ABCA13: variants seen among roughly 807,000 people sequenced by gnomAD.
ABCA13 encodes the protein ATP binding cassette subfamily A member 13, also known as ATP-binding cassette sub-family A member 13.
Under a neutral mutation model 478.7 loss-of-function variants are expected in ABCA13, and 476 were observed. The observed-to-expected ratio is 0.99, with a 90% CI of 0.92 to 1.07. The LOEUF (loss-of-function observed/expected upper bound fraction) is 1.07, where lower values mean the gene tolerates loss of function less well. Among genes scored for constraint, ABCA13 ranks in the 50% least tolerant of loss-of-function variants. ABCA13 has a pLI of 0.00. For synonymous variants in ABCA13, 2,252 were observed against 2,158.9 expected (o/e 1.04, Z -1.20); for missense variants, 6,060 against 5,910.6 (o/e 1.03, Z -0.83).
At chr7:48,488,236 GT>G (rs60590500) in intron 47 of ABCA13, among the ~76,000 whole-genome samples, 5,522 of 142,068 alleles carry the variant, frequency 0.039, 106 homozygotes, top group East Asian at 0.1. Context: ...GTAGGGTTTT[GT>G]TTTTTTTTTT....
chr7:48,499,125 A>G (rs972105324), intron 48 of ABCA13, among the ~76,000 whole-genome samples: 2 of 152,174 alleles, frequency 1.3e-5, no homozygotes, highest in African/African-American at 4.8e-5. Flanking sequence ...ATTGGCATCT[A>G]TTACTCATAG....
intron 43 of ABCA13, among the ~76,000 whole-genome samples, chr7:48,465,627 T>C (rs1182415670): frequency 6.6e-6 from 1 of 151,924 alleles, no homozygotes; most frequent in Non-Finnish European, 1.5e-5. Flanking sequence ...ATGCGTACGA[T>C]GTATAATAAC....
intron 59 of ABCA13, among the ~76,000 whole-genome samples, chr7:48,642,098 G>A (rs1046961298): frequency 2.0e-5 from 3 of 152,158 alleles, no homozygotes; most frequent in African/African-American, 7.2e-5. Context: ...CCATTAACTC[G>A]AATGATGGGA....
At chr7:48,454,811 G>A (rs58400216) in intron 42 of ABCA13, among the ~76,000 whole-genome samples, 88 of 152,332 alleles carry the variant, frequency 5.8e-4, no homozygotes, top group African/African-American at 2.1e-3. Context: ...CTCCTGCCAC[G>A]CGTTGCCACG....
intron 55 of ABCA13, among the ~76,000 whole-genome samples, chr7:48,538,099 C>CTTTTTTTTTTT (rs1563409461): frequency 1.7e-5 from 2 of 120,010 alleles, no homozygotes; most frequent in Non-Finnish European, 1.7e-5. Flanking sequence ...TTCTTTCTTT[C>CTTTTTTTTTTT]CTTTTTTTTT....
intron 31 of ABCA13, among the ~76,000 whole-genome samples, chr7:48,359,577 C>T (rs1810492795): frequency 6.6e-6 from 1 of 151,858 alleles, no homozygotes; most frequent in South Asian, 2.1e-4. Context: ...GTCCTGTCTC[C>T]CCATGGTTGA....
At chr7:48,559,423 G>T (rs1041657504) in intron 55 of ABCA13, among the ~76,000 whole-genome samples, 35 of 152,012 alleles carry the variant, frequency 2.3e-4, no homozygotes, top group African/African-American at 4.8e-5. Context: ...CAAGGCAGTG[G>T]GCTCCCTTCT....
chr7:48,543,817 G>T (rs928060073), intron 55 of ABCA13, among the ~76,000 whole-genome samples: 13 of 151,338 alleles, frequency 8.6e-5, no homozygotes, highest in African/African-American at 3.1e-4. Flanking sequence ...TTTCATGAAG[G>T]TATAGTAAAG....
At chr7:48,308,754 ATTTTTACTGTACC>A (rs1052920274) in intron 23 of ABCA13, among the ~76,000 whole-genome samples, 1 of 151,680 alleles carries the variant, frequency 6.6e-6, no homozygotes, top group African/African-American at 2.4e-5. Flanking sequence ...ATACTACTGT[ATTTTTACTGTACC>A]TTTTTACTGT....
At chr7:48,219,933 C>T (rs886759495) in intron 4 of ABCA13, among the ~76,000 whole-genome samples, 1 of 140,310 alleles carries the variant, frequency 7.1e-6, no homozygotes, top group African/African-American at 2.6e-5. Flanking sequence ...CACACACACA[C>T]ATTCCCAATT....
chr7:48,441,604 G>T (rs1163482477), intron 42 of ABCA13, among the ~76,000 whole-genome samples: 1 of 152,162 alleles, frequency 6.6e-6, no homozygotes, highest in Non-Finnish European at 1.5e-5. Context: ...CTGCACTTTT[G>T]TCCTTGTCTC....
chr7:48,524,669 A>C (rs927364005), intron 54 of ABCA13, among the ~76,000 whole-genome samples: 5 of 152,198 alleles, frequency 3.3e-5, no homozygotes, highest in Admixed American at 1.3e-4. Flanking sequence ...TATAATGTTA[A>C]AAATTTCATG....
chr7:48,300,933 A>G (rs950880444), intron 23 of ABCA13, among the ~76,000 whole-genome samples: 2 of 152,166 alleles, frequency 1.3e-5, no homozygotes, highest in Non-Finnish European at 2.9e-5. Context: ...CAAATCAACA[A>G]TGACTTCCTT....
rs1796050371 is a variant in ABCA13, at chr7:48,274,603, T to G, written c.4937T>G (p.Val1646Gly). 1 of 1,613,980 alleles carries G rather than the reference T, an allele frequency of 6.2e-7. No individual in the cohort carries two copies. Among genetic ancestry groups the G allele is most frequent in the East Asian group, 2.2e-5 (1 of 44,880 alleles). Reference protein sequence around the residue: ...RDVFNSLMPVVHHTSPQNAGY... With the variant: ...RDVFNSLMPVGHHTSPQNAGY... ...GTGTTCAACTCCTTAATGCCTGTAGTTCATCACACTAGTCCACAAAATGCA... is the reference window on the plus strand; with the variant it reads ...GTGTTCAACTCCTTAATGCCTGTAGGTCATCACACTAGTCCACAAAATGCA... The change falls in exon 17 of 62, where the codon GTT becomes GGT. Residue 1646 changes from valine (V) to glycine (G), a missense_variant. This residue lies in a region of ABCA13 where 4,423 missense variants were observed against 4,309.1 expected (regional missense o/e 1.03). Transcript: ENST00000435803.
chr7:48,418,100 G>C (rs1009466315), intron 41 of ABCA13, among the ~76,000 whole-genome samples: 1 of 152,138 alleles, frequency 6.6e-6, no homozygotes, highest in Non-Finnish European at 1.5e-5. Context: ...AAGACATCTT[G>C]GTTGCTTCCA....
chr7:48,538,100 CTTTT>C (rs574241927), intron 55 of ABCA13, among the ~76,000 whole-genome samples: 4 of 113,414 alleles, frequency 3.5e-5, no homozygotes, highest in Non-Finnish European at 5.3e-5. Context: ...TCTTTCTTTC[CTTTT>C]TTTTTTTTTT....
intron 60 of ABCA13, among the ~76,000 whole-genome samples, chr7:48,644,400 CAG>C (rs1394088482): frequency 5.9e-5 from 9 of 152,278 alleles, no homozygotes; most frequent in Non-Finnish European, 1.3e-4. Flanking sequence ...TAGAGCATAT[CAG>C]GGGGCAGAAC....
At chr7:48,219,686 C>T (rs958855035) in intron 4 of ABCA13, among the ~76,000 whole-genome samples, 181 bp downstream of exon 4, 18 of 152,046 alleles carry the variant, frequency 1.2e-4, no homozygotes, top group Non-Finnish European at 2.5e-4. Flanking sequence ...GAGCTGGATT[C>T]TCTCTCCTCA....
At chr7:48,177,398 C>A (rs923388360) in intron 1 of ABCA13, among the ~76,000 whole-genome samples, 1 of 152,182 alleles carries the variant, frequency 6.6e-6, no homozygotes, top group East Asian at 1.9e-4. Context: ...TCACTGGCTG[C>A]GGGTCAGTAG....
Sources: allele counts gnomAD v4.1 joint callset (sites outside exome capture counted in the v4.1 genomes callset), GRCh38; gene constraint gnomAD v4.1.1; regional missense constraint gnomAD v4.1.1; transcripts MANE v1.5; gene names NCBI Gene and HGNC (gene_info 2026-07-23, HGNC 2026-07-21).